CSMD1: variants seen among roughly 807,000 people sequenced by gnomAD.
The protein encoded by CSMD1 is CUB and Sushi multiple domains 1, also known as CUB and sushi domain-containing protein 1.
In CSMD1, 213 loss-of-function variants were observed where a neutral mutation model predicts 417.5. The observed-to-expected ratio is 0.51, with a 90% CI of 0.46 to 0.57. CSMD1 has a LOEUF of 0.57. CSMD1 is among the 20% of genes least tolerant of loss of function. CSMD1 has a pLI of 0.00. For missense variants in CSMD1, 6,923 were observed against 4,529.7 expected (o/e 1.53, Z -15.17); for synonymous variants, 2,862 against 1,736.8 (o/e 1.65, Z -16.11).
intron 51 of CSMD1, among the ~76,000 whole-genome samples, chr8:3,020,189 T>C (rs912315051): frequency 6.6e-6 from 1 of 152,232 alleles, no homozygotes; most frequent in African/African-American, 2.4e-5. Flanking sequence ...CTGCATAGGC[T>C]TGTGCATTAG....
intron 54 of CSMD1, among the ~76,000 whole-genome samples, chr8:2,992,196 C>T (rs1806450635): frequency 1.1e-5 from 1 of 89,666 alleles, no homozygotes; most frequent in South Asian, 2.4e-4. Flanking sequence ...CACATGCACA[C>T]ATACATACAC....
At chr8:3,938,297 G>C (rs1334138909) in intron 5 of CSMD1, among the ~76,000 whole-genome samples, 1 of 152,098 alleles carries the variant, frequency 6.6e-6, no homozygotes, top group East Asian at 1.9e-4. Context: ...CTGCATGCTG[G>C]AGTTCCTTAA....
intron 2 of CSMD1, among the ~76,000 whole-genome samples, chr8:4,572,531 T>C (rs1299239683): frequency 6.6e-6 from 1 of 152,170 alleles, no homozygotes; most frequent in African/African-American, 2.4e-5. Flanking sequence ...CCAACCTTTC[T>C]CTCTAGCTGC....
intron 5 of CSMD1, among the ~76,000 whole-genome samples, chr8:3,816,841 G>A (rs1257983715): frequency 6.6e-6 from 1 of 151,858 alleles, no homozygotes; most frequent in Non-Finnish European, 1.5e-5. Flanking sequence ...GTCTACTAGG[G>A]GTTTGGAACA....
chr8:4,392,193 G>A (rs1007300681), intron 3 of CSMD1, among the ~76,000 whole-genome samples: 1 of 152,138 alleles, frequency 6.6e-6, no homozygotes, highest in African/African-American at 2.4e-5. Flanking sequence ...AAGTCTTGAG[G>A]TTGCTTTTTA....
intron 5 of CSMD1, among the ~76,000 whole-genome samples, chr8:3,870,979 T>G (rs1805445536): frequency 6.6e-6 from 1 of 150,556 alleles, no homozygotes; most frequent in Non-Finnish European, 1.5e-5. Context: ...AAATATAAGT[T>G]AATTTTTTCT....
intron 3 of CSMD1, among the ~76,000 whole-genome samples, chr8:4,360,787 C>T (rs181541375): frequency 6.6e-6 from 1 of 151,648 alleles, no homozygotes; most frequent in South Asian, 2.1e-4. Flanking sequence ...AGCCACTGCA[C>T]CCGGCCCCTC....
intron 10 of CSMD1, among the ~76,000 whole-genome samples, chr8:3,530,438 T>C: frequency 6.6e-6 from 1 of 152,202 alleles, no homozygotes; most frequent in South Asian, 2.1e-4. Flanking sequence ...GTGTGTTGTT[T>C]AACTTCCACA....
intron 7 of CSMD1, among the ~76,000 whole-genome samples, chr8:3,706,516 A>G (rs1405361284): frequency 2.0e-5 from 3 of 152,198 alleles, no homozygotes; most frequent in Non-Finnish European, 4.4e-5. Context: ...CCGTTAAAAG[A>G]AAGGACAGAA....
intron 5 of CSMD1, among the ~76,000 whole-genome samples, chr8:3,775,908 C>G (rs1472102079): frequency 6.6e-6 from 1 of 152,202 alleles, no homozygotes; most frequent in African/African-American, 2.4e-5. Context: ...TCTCAATGAG[C>G]TCCTCCAGTC....
At chr8:4,033,498 C>G (rs1797285463) in intron 3 of CSMD1, among the ~76,000 whole-genome samples, 1 of 152,128 alleles carries the variant, frequency 6.6e-6, no homozygotes, top group Admixed American at 6.5e-5. Flanking sequence ...GACCTGGAAG[C>G]TCCCACTTCC....
chr8:4,022,677 G>T (rs755973012), intron 4 of CSMD1, among the ~76,000 whole-genome samples: 3 of 152,136 alleles, frequency 2.0e-5, no homozygotes, highest in Non-Finnish European at 4.4e-5. Flanking sequence ...GGTAGATTTG[G>T]GGGAAATGAA....
At chr8:2,953,451 T>TG (rs1207510965) in intron 65 of CSMD1, among the ~76,000 whole-genome samples, 1 of 109,986 alleles carries the variant, frequency 9.1e-6, no homozygotes, top group Non-Finnish European at 2.1e-5. Flanking sequence ...AGAGCTTATG[T>TG]CCAAAAAAAA....
chr8:3,079,946 G>A (rs1369644594), intron 49 of CSMD1, among the ~76,000 whole-genome samples: 3 of 152,198 alleles, frequency 2.0e-5, no homozygotes, highest in Admixed American at 1.3e-4. Context: ...GCCATGCTAT[G>A]TAGAAGCAGA....
intron 21 of CSMD1, among the ~76,000 whole-genome samples, chr8:3,354,875 A>ATATCTATAGATATGTCTATATATAGATC (rs1808648999): frequency 1.4e-5 from 1 of 71,522 alleles, no homozygotes; most frequent in African/African-American, 7.1e-5. Flanking sequence ...AGATATACAT[A>ATATCTATAGATATGTCTATATATAGATC]TATCTATAGA....
intron 3 of CSMD1, among the ~76,000 whole-genome samples, chr8:4,358,985 TTTAAG>T (rs1801597483): frequency 6.6e-6 from 1 of 151,550 alleles, no homozygotes; most frequent in Non-Finnish European, 1.5e-5. Flanking sequence ...CACACACACA[TTTAAG>T]TTGACATATA....
chr8:3,560,424 A>T (rs1165121864), intron 10 of CSMD1, among the ~76,000 whole-genome samples: 1 of 152,156 alleles, frequency 6.6e-6, no homozygotes, highest in East Asian at 1.9e-4. Context: ...AATAGCTGCA[A>T]AATGGGCAAA....
intron 3 of CSMD1, among the ~76,000 whole-genome samples, chr8:4,289,356 C>A (rs1352172370): frequency 1.3e-5 from 2 of 152,242 alleles, no homozygotes; most frequent in South Asian, 4.1e-4. Flanking sequence ...TTTAACTTTT[C>A]TTATAGGTAA....
intron 7 of CSMD1, among the ~76,000 whole-genome samples, chr8:3,654,812 A>G (rs1798023177): frequency 6.6e-6 from 1 of 152,134 alleles, no homozygotes; most frequent in African/African-American, 2.4e-5. Context: ...CAGGGCTACC[A>G]TGGCGCCCAG....
Sources: allele counts gnomAD v4.1 joint callset (sites outside exome capture counted in the v4.1 genomes callset), GRCh38; gene constraint gnomAD v4.1.1; transcripts MANE v1.5; gene names NCBI Gene and HGNC (gene_info 2026-07-23, HGNC 2026-07-21).